Variants in GTF3C2 observed in about 807,000 individuals in gnomAD.
The protein encoded by GTF3C2 is general transcription factor 3C polypeptide 2.
GTF3C2 carries 17 observed loss-of-function variants against 117.4 expected under a neutral mutation model. That is an observed-to-expected ratio of 0.14 (90% CI 0.10 to 0.22). The LOEUF (loss-of-function observed/expected upper bound fraction) is 0.22, where lower values mean the gene tolerates loss of function less well. Ranked by LOEUF, GTF3C2 falls within the 10% of genes least tolerant of loss-of-function variation. GTF3C2 has a pLI of 1.00. For synonymous variants in GTF3C2, 437 were observed against 427.0 expected (o/e 1.02, Z -0.29); for missense variants, 888 against 1,143.6 (o/e 0.78, Z 3.22).
chr2:27,343,532 T>A (rs777217682), exon 2 of GTF3C2: 1 of 1,613,846 alleles, frequency 6.2e-7, no homozygotes, highest in Non-Finnish European at 8.5e-7. Flanking sequence ...CAGGGCAACA[T>A]AGCCGACCCC....
exon 19 of GTF3C2, chr2:27,326,449 A>C: frequency 1.7e-6 from 1 of 589,130 alleles, no homozygotes; most frequent in South Asian, 2.0e-5. Flanking sequence ...TCTTAGGCTG[A>C]GGAGCCTTGA....
intron 1 of GTF3C2, chr2:27,356,088 C>T: frequency 7.8e-7 from 1 of 1,288,636 alleles, no homozygotes; most frequent in African/African-American, 1.5e-5. Flanking sequence ...TGTCCATACC[C>T]TATACATCCC....
intron 10 of GTF3C2, chr2:27,335,250 G>A (rs1464234616): frequency 2.0e-6 from 1 of 495,672 alleles, no homozygotes; most frequent in Non-Finnish European, 4.1e-6. Context: ...CAGGATTGGG[G>A]GAACAAGAGT....
intron 1 of GTF3C2, among the ~76,000 whole-genome samples, chr2:27,344,787 C>T (rs568522003): frequency 9.9e-5 from 15 of 151,706 alleles, no homozygotes; most frequent in Non-Finnish European, 2.2e-4. Context: ...AGTTCAAGAC[C>T]AGTCTGGGCA....
chr2:27,356,129 T>A (rs1327281599), intron 1 of GTF3C2: 1 of 1,287,304 alleles, frequency 7.8e-7, no homozygotes, highest in Non-Finnish European at 1.0e-6. Flanking sequence ...CCGACGGAGT[T>A]GAAGTCGCCA....
chr2:27,350,499 G>A, intron 1 of GTF3C2: 1 of 985,594 alleles, frequency 1.0e-6, no homozygotes, highest in Non-Finnish European at 1.2e-6. Context: ...ACAGCTGCTG[G>A]CTCAAGAATC....
At chr2:27,337,165 T>C (rs1167129418) in intron 7 of GTF3C2, 79 bp downstream of exon 7, 1 of 816,868 alleles carries the variant, frequency 1.2e-6, no homozygotes, top group Non-Finnish European at 2.0e-6. Context: ...ACAGGACTTA[T>C]CTGTCATCTC....
At chr2:27,332,877 A>G (rs1182374435) in intron 12 of GTF3C2, among the ~76,000 whole-genome samples, 1 of 150,858 alleles carries the variant, frequency 6.6e-6, no homozygotes, top group Non-Finnish European at 1.5e-5. Flanking sequence ...TATGACACCC[A>G]GCTAATTTTT....
At chr2:27,335,669 G>C in exon 10 of GTF3C2, 1 of 1,562,490 alleles carries the variant, frequency 6.4e-7, no homozygotes, top group East Asian at 2.4e-5. Flanking sequence ...GTCTGAGCAG[G>C]CCAGAGCCAA....
In GTF3C2 at chr2:27,343,513, G is replaced by C. The variant is rs780540247; in HGVS notation, c.42C>G (p.Ala14=). 9.9e-6 allele frequency: 16 copies of C among 1,613,904 alleles called. No individual in the cohort carries two copies. The South Asian group carries it at 1.8e-4, about 18-fold the overall frequency. ...CCACAGTCATGTTCCCCACGGGGCC[G>C]GCCTCCCCCAGGGCAACATAGCCGA... Residue 14 remains alanine, a synonymous_variant, in exon 2 of 19, where the codon GCC becomes GCG. Transcript: ENST00000264720.
At chr2:27,332,266 C>G (rs988555007) in intron 12 of GTF3C2, among the ~76,000 whole-genome samples, 2 of 152,142 alleles carry the variant, frequency 1.3e-5, no homozygotes, top group Non-Finnish European at 2.9e-5. Context: ...CTGCCTCAGC[C>G]TCCCAAAGTG....
chr2:27,351,070 T>TG (rs201699287), intron 1 of GTF3C2, among the ~76,000 whole-genome samples: 2,069 of 152,048 alleles, frequency 0.014, 26 homozygotes, highest in South Asian at 0.024. Context: ...GAGCTATGAT[T>TG]GTGGCACTGC....
rs1378451868 is a variant in GTF3C2 at position 27,328,978 on chromosome 2, T to C, written c.2040-47A>G. ...TAAACCTTCCTTTTCTTTAGATTCA[T>C]TTCTTCTTCTTAACCTCTTCCAGAA... On this transcript the variant is annotated intron_variant, in intron 14 of 18. Transcript: ENST00000264720. The C allele has an allele frequency of 1.3e-5, 20 of 1,483,846 alleles. No individual in the cohort carries two copies. In the Middle Eastern group the frequency reaches 5.3e-4, roughly 39 times the overall value. 91.9% of individuals were successfully genotyped at this position (1,483,846 alleles called of 1,614,324 possible).
chr2:27,350,340 G>C (rs904904910), intron 1 of GTF3C2: 6 of 871,690 alleles, frequency 6.9e-6, no homozygotes, highest in Non-Finnish European at 4.1e-6. Flanking sequence ...GATGGGGCCA[G>C]CACCTTGTGT....
chr2:27,353,512 C>G (rs567806693), intron 1 of GTF3C2, among the ~76,000 whole-genome samples: 2 of 151,812 alleles, frequency 1.3e-5, no homozygotes, highest in African/African-American at 4.8e-5. Context: ...GCTCTCTGCT[C>G]ACCGCTGCCT....
At chr2:27,328,735 A>G in intron 15 of GTF3C2, 109 bp downstream of exon 15, 1 of 1,046,498 alleles carries the variant, frequency 9.6e-7, no homozygotes, top group Non-Finnish European at 1.5e-6. Flanking sequence ...TAGAGTTACA[A>G]CATCCCTATC....
At chr2:27,340,094 T>C (rs1398940550) in intron 4 of GTF3C2, 1 of 151,746 alleles carries the variant, frequency 6.6e-6, no homozygotes, top group Non-Finnish European at 1.5e-5. Context: ...CCAGGTTCAG[T>C]GCATGATGCC....
intron 7 of GTF3C2, chr2:27,336,713 G>A: frequency 2.8e-6 from 1 of 358,742 alleles, no homozygotes; most frequent in Non-Finnish European, 5.1e-6. Flanking sequence ...GGCTCAAGTG[G>A]TTATCCCACC....
intron 1 of GTF3C2, among the ~76,000 whole-genome samples, chr2:27,354,846 T>C (rs906135367): frequency 9.2e-5 from 14 of 152,244 alleles, no homozygotes; most frequent in African/African-American, 2.9e-4. Flanking sequence ...ATTAGTTATT[T>C]AGACAATCTT....
Sources: allele counts gnomAD v4.1 joint callset (sites outside exome capture counted in the v4.1 genomes callset), GRCh38; gene constraint gnomAD v4.1.1; transcripts MANE v1.5; gene names NCBI Gene and HGNC (gene_info 2026-07-23, HGNC 2026-07-21).